Variants in OR2L13 observed in about 807,000 individuals in gnomAD.
OR2L13 encodes olfactory receptor family 2 subfamily L member 13.
OR2L13 carries 14 observed loss-of-function variants against 15.3 expected under a neutral mutation model. That is an observed-to-expected ratio of 0.91 (90% CI 0.60 to 1.43). The LOEUF is 1.43. Ranked by LOEUF, OR2L13 falls within the 40% of genes most tolerant of loss-of-function variation. OR2L13 has a pLI of 0.00. For missense variants in OR2L13, 367 were observed against 387.9 expected (o/e 0.95, Z 0.45); for synonymous variants, 152 against 142.9 (o/e 1.06, Z -0.45).
the OR2L13 span, among the ~76,000 whole-genome samples, chr1:248,078,393 A>G: frequency 6.6e-6 from 1 of 152,112 alleles, no homozygotes; most frequent in East Asian, 1.9e-4. Context: ...GAATCACTTG[A>G]AACCAGGAGG....
chr1:247,960,281 G>C, the OR2L13 span, among the ~76,000 whole-genome samples: 1 of 152,188 alleles, frequency 6.6e-6, no homozygotes, highest in Non-Finnish European at 1.5e-5. Flanking sequence ...AAGTGTTGCC[G>C]CCTGATCGTT....
At chr1:248,070,311 A>G in the OR2L13 span, among the ~76,000 whole-genome samples, 3 of 152,208 alleles carry the variant, frequency 2.0e-5, no homozygotes, top group Admixed American at 6.5e-5. Flanking sequence ...AGAACTCAGG[A>G]TTAAGAAACT....
At chr1:247,961,396 T>A in the OR2L13 span, among the ~76,000 whole-genome samples, 1 of 152,138 alleles carries the variant, frequency 6.6e-6, no homozygotes, top group African/African-American at 2.4e-5. Context: ...CTGTGGCTCA[T>A]GAAATTGACT....
the OR2L13 span, chr1:248,083,583 T>C: frequency 8.8e-7 from 1 of 1,135,684 alleles, no homozygotes; most frequent in Non-Finnish European, 1.3e-6. Flanking sequence ...AGAATTACAA[T>C]GTGTTAAAAT....
chr1:247,943,230 C>A, the OR2L13 span, among the ~76,000 whole-genome samples: 10 of 152,100 alleles, frequency 6.6e-5, 1 homozygote, highest in East Asian at 1.9e-3. Flanking sequence ...ACATTGGGTA[C>A]ACATGGACAT....
the OR2L13 span, chr1:247,937,361 G>C: frequency 6.4e-6 from 1 of 155,250 alleles, no homozygotes; most frequent in Non-Finnish European, 1.4e-5. Flanking sequence ...CGGAAGGGCA[G>C]CTGGGCACGC....
chr1:248,002,208 G>T, the OR2L13 span, among the ~76,000 whole-genome samples: 2 of 151,864 alleles, frequency 1.3e-5, no homozygotes, highest in Non-Finnish European at 2.9e-5. Flanking sequence ...AAATGTATTT[G>T]GAAATCCAAA....
chr1:247,967,768 T>C, the OR2L13 span, among the ~76,000 whole-genome samples: 5 of 149,414 alleles, frequency 3.3e-5, no homozygotes, highest in Non-Finnish European at 7.4e-5. Context: ...ATATTATTTT[T>C]GAGAATCCTA....
the OR2L13 span, among the ~76,000 whole-genome samples, chr1:248,011,730 A>T: frequency 2.0e-5 from 3 of 152,272 alleles, no homozygotes; most frequent in South Asian, 6.2e-4. Context: ...ATCAAGACTT[A>T]TTCAACCCTT....
At chr1:248,060,950 C>A in the OR2L13 span, 6 of 1,613,880 alleles carry the variant, frequency 3.7e-6, no homozygotes, top group African/African-American at 4.0e-5. Context: ...GGTAACAAGT[C>A]TATCTCCTTC....
chr1:247,972,380 A>G, the OR2L13 span, among the ~76,000 whole-genome samples: 6,923 of 152,188 alleles, frequency 0.045, 489 homozygotes, highest in African/African-American at 0.16. Flanking sequence ...CGACAAATAA[A>G]GAAGAAAAGA....
At chr1:248,073,803 G>A in the OR2L13 span, among the ~76,000 whole-genome samples, 1 of 151,704 alleles carries the variant, frequency 6.6e-6, no homozygotes, top group African/African-American at 2.4e-5. Flanking sequence ...AACATGTTTT[G>A]ACTAAAACAT....
the OR2L13 span, among the ~76,000 whole-genome samples, chr1:248,007,024 T>A: frequency 6.6e-6 from 1 of 152,196 alleles, no homozygotes; most frequent in Non-Finnish European, 1.5e-5. Flanking sequence ...GGAAAGAACC[T>A]GAGGGAGGAC....
the OR2L13 span, among the ~76,000 whole-genome samples, chr1:248,057,891 A>T: frequency 1.1e-4 from 16 of 152,292 alleles, 1 homozygote; most frequent in South Asian, 1.9e-3. Context: ...AGTTTTCTAC[A>T]TATATAATTA....
chr1:248,061,358 A>G, the OR2L13 span: 254 of 1,613,882 alleles, frequency 1.6e-4, no homozygotes, highest in African/African-American at 2.6e-3. Context: ...GCTGTCTACC[A>G]CATGAAATCT....
the OR2L13 span, among the ~76,000 whole-genome samples, chr1:248,050,093 G>C: frequency 6.6e-6 from 1 of 152,168 alleles, no homozygotes; most frequent in South Asian, 2.1e-4. Flanking sequence ...TGTGTGGAGA[G>C]AGTCTGTGAA....
At chr1:247,982,893 CTT>C in the OR2L13 span, among the ~76,000 whole-genome samples, 1 of 151,894 alleles carries the variant, frequency 6.6e-6, no homozygotes, top group African/African-American at 2.4e-5. Flanking sequence ...AATTTAACCT[CTT>C]ATATTTTTGT....
At chr1:248,035,306 C>T in the OR2L13 span, among the ~76,000 whole-genome samples, 1 of 151,948 alleles carries the variant, frequency 6.6e-6, no homozygotes, top group African/African-American at 2.4e-5. Flanking sequence ...AAAATTTAGC[C>T]AGCTTGGTGG....
chr1:248,006,124 A>G, the OR2L13 span, among the ~76,000 whole-genome samples: 2 of 152,194 alleles, frequency 1.3e-5, no homozygotes, highest in East Asian at 3.9e-4. Context: ...CTTCCCCGTT[A>G]GGGACAATTG....
Sources: allele counts gnomAD v4.1 joint callset (sites outside exome capture counted in the v4.1 genomes callset), GRCh38; gene constraint gnomAD v4.1.1; transcripts MANE v1.5; gene names NCBI Gene and HGNC (gene_info 2026-07-23, HGNC 2026-07-21).